The following SERPINB7 variants were observed in gnomAD, a reference collection of about 807,000 sequenced individuals.
SERPINB7 encodes serpin family B member 7.
A neutral mutation model predicts 37.4 loss-of-function variants in SERPINB7; 31 were observed. The ratio of observed to expected loss-of-function variants is 0.83; its 90% confidence interval spans 0.62 to 1.12. The LOEUF is 1.12. Among genes scored for constraint, SERPINB7 ranks in the 50% most tolerant of loss-of-function variants. The pLI is 0.00. For missense variants in SERPINB7, 521 were observed against 455.3 expected, an observed-to-expected ratio of 1.14 and a Z score of -1.31; for synonymous variants, 163 against 166.1, an observed-to-expected ratio of 0.98 and a Z score of 0.14.
chr18:63,783,407 C>A (rs1226864226), intron 2 of SERPINB7, among the ~76,000 whole-genome samples: 2 of 152,078 alleles, frequency 1.3e-5, no homozygotes, highest in Non-Finnish European at 2.9e-5. Context: ...GGGTTGAAAA[C>A]CACTGCCTGA....
At position 63,804,455 on chromosome 18, in the gene SERPINB7, G is replaced by A; in HGVS notation, c.963G>A (p.Met321Ile). The A allele has an allele frequency of 6.2e-7, 1 of 1,613,774 alleles. No homozygotes were observed. Among genetic ancestry groups the A allele is most frequent in the East Asian group, 2.2e-5 (1 of 44,856 alleles). The change falls in exon 8 of 8, where the codon ATG becomes ATA. Residue 321 changes from methionine to isoleucine, a missense_variant. Physicochemically the swap from Met to Ile is conservative, Grantham distance 10. Transcript: ENST00000398019. ...ASGGRLYISR[M>I]MHKSYIEVTE... Reference sequence around the variant, plus strand: ...GGGGTCGTCTGTATATATCAAGGATGATGCACAAATCTTACATAGAGGTCA... The same window carrying A: ...GGGGTCGTCTGTATATATCAAGGATAATGCACAAATCTTACATAGAGGTCA...
Position 63,790,881 on chromosome 18 carries a change from A to G in SERPINB7, c.169-1512A>G, listed in dbSNP as rs941380974. ...ACTATTCACAATAGCAAAGACTTGG[A>G]ACCAACCCAAATGCCCAGCAATGAT... On this transcript the variant is annotated intron_variant, in intron 2 of 7. Transcript: ENST00000398019. 2.0e-5 allele frequency among the ~76,000 whole-genome samples: 3 copies of G among 152,326 alleles called. No individual in the cohort carries two copies. The South Asian group carries it at 6.2e-4, about 32-fold the overall frequency.
intron 1 of SERPINB7, among the ~76,000 whole-genome samples, chr18:63,779,945 T>C (rs566921109): frequency 1.3e-5 from 2 of 152,086 alleles, no homozygotes; most frequent in African/African-American, 4.8e-5. Context: ...GAAAAATGTA[T>C]CTTAAAGTAT....
At chr18:63,786,465 G>T (rs2049374344) in intron 2 of SERPINB7, among the ~76,000 whole-genome samples, 1 of 151,596 alleles carries the variant, frequency 6.6e-6, no homozygotes, top group Admixed American at 6.6e-5. Flanking sequence ...GTACAAATTT[G>T]TATTTTCTAA....
At chr18:63,768,249 G>T (rs186857237) in intron 1 of SERPINB7, among the ~76,000 whole-genome samples, 1 of 147,358 alleles carries the variant, frequency 6.8e-6, no homozygotes, top group Non-Finnish European at 1.5e-5. Flanking sequence ...TAGATTATTG[G>T]TTTGAGACTG....
chr18:63,802,502 T>C (rs1420120491), intron 7 of SERPINB7, among the ~76,000 whole-genome samples: 1 of 152,174 alleles, frequency 6.6e-6, no homozygotes, highest in African/African-American at 2.4e-5. Context: ...TTGTTTGATG[T>C]TTATAGCAAG....
rs190539116 is a variant in SERPINB7 at position 63,785,927 on chromosome 18, C to T, written c.168+3387C>T. ...CGTATATATACACATATATAATATACGTATATATACACATATATAATATAC... is the reference window on the plus strand; with the variant it reads ...CGTATATATACACATATATAATATATGTATATATACACATATATAATATAC... On this transcript the variant is annotated intron_variant, in intron 2 of 7. Coordinates refer to ENST00000398019, the MANE Select transcript of SERPINB7 (RefSeq NM_003784.4). Among the ~76,000 whole-genome samples, 602 of 114,940 alleles carry T rather than the reference C, an allele frequency of 5.2e-3. 4 individuals are homozygous for T. The highest frequency in any genetic ancestry group is 7.9e-3 in the Non-Finnish European group (462 of 58,830). 75.4% of individuals were successfully genotyped at this position (114,940 alleles called of 152,430 possible).
chr18:63,798,366 G>A (rs2049510050), intron 5 of SERPINB7, among the ~76,000 whole-genome samples: 1 of 152,018 alleles, frequency 6.6e-6, no homozygotes, highest in East Asian at 1.9e-4. Flanking sequence ...TCCTCAACAG[G>A]AAATGGAAAC....
intron 1 of SERPINB7, among the ~76,000 whole-genome samples, chr18:63,756,624 G>A (rs1156725941): frequency 6.6e-6 from 1 of 152,178 alleles, no homozygotes; most frequent in African/African-American, 2.4e-5. Context: ...GATAGGTAGA[G>A]GTTCCCACCT....
intron 1 of SERPINB7, among the ~76,000 whole-genome samples, chr18:63,779,822 C>T (rs999349429): frequency 6.6e-6 from 1 of 151,898 alleles, no homozygotes; most frequent in South Asian, 2.1e-4. Flanking sequence ...GTGATTGGTG[C>T]TTAGAAAGTA....
intron 1 of SERPINB7, among the ~76,000 whole-genome samples, chr18:63,755,775 T>C (rs2049118536): frequency 6.6e-6 from 1 of 151,888 alleles, no homozygotes; most frequent in African/African-American, 2.4e-5. Context: ...ATACTTGTAG[T>C]CCCAGCTGCT....
rs201659160 is a variant in SERPINB7, at chr18:63,783,184, GAA to G, written c.168+646_168+647del. 4.0e-3 allele frequency among the ~76,000 whole-genome samples: 234 copies of G among 58,192 alleles called. 2 individuals are homozygous for G. Among genetic ancestry groups the G allele is most frequent in the African/African-American group, 0.016 (174 of 11,036 alleles). The allele number at this position is 58,192 out of a possible 152,430, so 38.2% of individuals were successfully genotyped here. ...AACAAAAAGAAAATAAAGAAAGAAAGAAAGAGAGAGAGAGAGAGAGAGAGAGA... is the reference window on the plus strand; with the variant it reads ...AACAAAAAGAAAATAAAGAAAGAAAGAGAGAGAGAGAGAGAGAGAGAGAGA... On this transcript the variant is annotated intron_variant, in intron 2 of 7. Transcript: ENST00000398019.
At chr18:63,785,738 T>G (rs2049357703) in intron 2 of SERPINB7, among the ~76,000 whole-genome samples, 1 of 151,484 alleles carries the variant, frequency 6.6e-6, no homozygotes, top group Non-Finnish European at 1.5e-5. Context: ...TTGTTTTTTT[T>G]GTGTGTGTTT....
chr18:63,792,487 G>A, intron 3 of SERPINB7, 44 bp downstream of exon 3: 1 of 1,308,624 alleles, frequency 7.6e-7, no homozygotes, highest in Non-Finnish European at 1.1e-6. Flanking sequence ...GGTGAGCCAG[G>A]TGCAGGGGCT....
intron 1 of SERPINB7, among the ~76,000 whole-genome samples, chr18:63,781,275 C>T (rs1034726335): frequency 3.3e-5 from 5 of 152,250 alleles, no homozygotes; most frequent in Non-Finnish European, 5.9e-5. Context: ...TGTTGAGAAT[C>T]GCTATGCTAG....
At chr18:63,767,879 G>C (rs950386782) in intron 1 of SERPINB7, among the ~76,000 whole-genome samples, 4 of 152,012 alleles carry the variant, frequency 2.6e-5, no homozygotes, top group Non-Finnish European at 4.4e-5. Flanking sequence ...TGTTTAATAT[G>C]GGGTGAGTTT....
rs1008035402 is a variant in SERPINB7 at position 63,796,266 on chromosome 18, G to A, written c.337G>A (p.Asp113Asn). Residue 113 changes from aspartate (D) to asparagine (N), a missense_variant and splice_region_variant, in exon 5 of 8, where the codon GAC (aspartate) becomes AAC (asparagine). Transcript: ENST00000398019. ...FAEKVYGFHKDYIECAEKLYD... is the reference protein window; with the variant it reads ...FAEKVYGFHKNYIECAEKLYD... ...ACGAGAACTATATTCTTCTTTATAG[G>A]ACTACATTGAGTGTGCCGAAAAATT... 6.4e-7 allele frequency: 1 copy of A among 1,552,730 alleles called. No individual in the cohort carries two copies. Among genetic ancestry groups the A allele is most frequent in the African/African-American group, 1.4e-5 (1 of 73,638 alleles).
chr18:63,782,589 A>G, intron 2 of SERPINB7, 49 bp downstream of exon 2: 1 of 1,526,732 alleles, frequency 6.5e-7, no homozygotes, highest in Non-Finnish European at 8.9e-7. Flanking sequence ...TGTTTTTCCC[A>G]CGAGAACATT....
At chr18:63,794,356 T>G (rs562374010) in intron 4 of SERPINB7, among the ~76,000 whole-genome samples, 2 of 152,176 alleles carry the variant, frequency 1.3e-5, no homozygotes, top group African/African-American at 4.8e-5. Context: ...ATCTTGCATG[T>G]ATCAATCTCT....
Sources: allele counts gnomAD v4.1 joint callset (sites outside exome capture counted in the v4.1 genomes callset), GRCh38; gene constraint gnomAD v4.1.1; transcripts MANE v1.5; gene names NCBI Gene and HGNC (gene_info 2026-07-23, HGNC 2026-07-21).